SPIRE1: variants seen among roughly 807,000 people sequenced by gnomAD.
SPIRE1 encodes the protein protein spire homolog 1.
A neutral mutation model predicts 94.1 loss-of-function variants in SPIRE1; 40 were observed. The ratio of observed to expected loss-of-function variants is 0.43; its 90% confidence interval spans 0.33 to 0.55. The LOEUF (loss-of-function observed/expected upper bound fraction) is 0.55. Ranked by LOEUF, SPIRE1 falls within the 20% of genes least tolerant of loss-of-function variation. The pLI, the probability that SPIRE1 is intolerant of heterozygous loss-of-function variation, is 0.06. For missense variants in SPIRE1, 838 were observed against 975.2 expected (o/e 0.86, Z 1.87); for synonymous variants, 376 against 371.7 (o/e 1.01, Z -0.13).
chr18:12,493,118 T>C lies in SPIRE1; in HGVS notation c.1143A>G (p.Arg381=). The change falls in exon 8 of 17, where the codon AGA becomes AGG. Residue 381 remains arginine (R), a synonymous_variant. Coordinates refer to ENST00000409402, the MANE Select transcript of SPIRE1 (RefSeq NM_001128626.2). ...ERILEEIKAE[R]KLRPVSPEEI... is the part of the protein sequence containing the mutation. ...CCTCTGGTGATACAGGCCGCAGCTT[T>C]CTTTCTGCTTTAATTTCTTCTAATA... 6.2e-7 allele frequency: 1 copy of C among 1,613,744 alleles called. No individual in the cohort carries two copies. Among genetic ancestry groups the C allele is most frequent in the South Asian group, 1.1e-5 (1 of 91,050 alleles).
At chr18:12,574,626 A>C (rs2036045193) in intron 2 of SPIRE1, among the ~76,000 whole-genome samples, 1 of 152,236 alleles carries the variant, frequency 6.6e-6, no homozygotes, top group Non-Finnish European at 1.5e-5. Flanking sequence ...TGGGTGGCAA[A>C]GGAGAGCCAT....
intron 12 of SPIRE1, among the ~76,000 whole-genome samples, chr18:12,458,396 G>A (rs1371258391): frequency 6.6e-6 from 1 of 151,632 alleles, no homozygotes; most frequent in East Asian, 2.0e-4. Flanking sequence ...CGGATCACGA[G>A]GTCAGGAGAT....
chr18:12,657,628 T>C lies in SPIRE1; in HGVS notation c.239A>G (p.His80Arg). ...GATCTGCGCGGCCGAGCGCACACGGTGGCGGGGCTGGCGGCGGCGGGCGGC... is the reference window on the plus strand; with the variant it reads ...GATCTGCGCGGCCGAGCGCACACGGCGGCGGGGCTGGCGGCGGCGGGCGGC... Reference protein sequence around the residue: ...RAAARRRQPRHRVRSAAQIRV... With the variant: ...RAAARRRQPRRRVRSAAQIRV... The change falls in exon 1 of 17, where the codon CAC (histidine) becomes CGC (arginine). Residue 80 changes from histidine (H) to arginine (R), a missense_variant. His to Arg is a conservative substitution (Grantham distance 29, BLOSUM62 0). Around this residue, in one of 2 missense-constraint regions of SPIRE1, gnomAD observed 193 missense variants for 170.5 expected, o/e 1.13. Transcript: ENST00000409402. The C allele has an allele frequency of 7.6e-7, 1 of 1,310,488 alleles. No individual in the cohort carries two copies. The highest frequency in any genetic ancestry group is 9.7e-7 in the Non-Finnish European group (1 of 1,029,400). 81.2% of individuals were successfully genotyped at this position (1,310,488 alleles called of 1,614,324 possible).
chr18:12,488,480 G>A (rs1279976017), intron 8 of SPIRE1, among the ~76,000 whole-genome samples: 1 of 152,010 alleles, frequency 6.6e-6, no homozygotes. Context: ...TGTTTTCCAG[G>A]GAGACAGCCT....
At chr18:12,451,677 C>A (rs946768364) in intron 16 of SPIRE1, among the ~76,000 whole-genome samples, 2 of 152,216 alleles carry the variant, frequency 1.3e-5, no homozygotes, top group African/African-American at 2.4e-5. Flanking sequence ...CCCAGCCTCT[C>A]GGCCCTGCCA....
At chr18:12,576,253 AC>A (rs2036092330) in intron 2 of SPIRE1, among the ~76,000 whole-genome samples, 1 of 152,028 alleles carries the variant, frequency 6.6e-6, no homozygotes, top group Non-Finnish European at 1.5e-5. Flanking sequence ...AATAGCCAGA[AC>A]AATTTTGGAA....
intron 2 of SPIRE1, among the ~76,000 whole-genome samples, chr18:12,572,719 A>T (rs1304036436): frequency 6.6e-6 from 1 of 152,230 alleles, no homozygotes; most frequent in Non-Finnish European, 1.5e-5. Context: ...ACAGCCGAGA[A>T]ATGTACTCAC....
intron 4 of SPIRE1, among the ~76,000 whole-genome samples, chr18:12,523,161 G>A (rs191028118): frequency 2.0e-5 from 3 of 152,280 alleles, no homozygotes; most frequent in African/African-American, 4.8e-5. Flanking sequence ...AACCCTCATG[G>A]ATGACTTTGA....
chr18:12,547,520 C>T (rs2035208844), intron 2 of SPIRE1, among the ~76,000 whole-genome samples: 1 of 152,198 alleles, frequency 6.6e-6, no homozygotes, highest in Non-Finnish European at 1.5e-5. Flanking sequence ...CTGCTCCAGA[C>T]TTTGGCCAAT....
chr18:12,623,647 TGA>T (rs1241079113), intron 2 of SPIRE1, among the ~76,000 whole-genome samples: 2 of 151,764 alleles, frequency 1.3e-5, no homozygotes, highest in Non-Finnish European at 2.9e-5. Flanking sequence ...TTTTGTTTTT[TGA>T]GAGAGTTTCA....
intron 2 of SPIRE1, among the ~76,000 whole-genome samples, chr18:12,608,462 A>G (rs965178507): frequency 3.3e-5 from 5 of 152,112 alleles, no homozygotes; most frequent in African/African-American, 1.2e-4. Flanking sequence ...GGTAGATTCC[A>G]CCTTTCCTCT....
chr18:12,499,194 T>C (rs2033569210), intron 6 of SPIRE1, among the ~76,000 whole-genome samples: 1 of 152,152 alleles, frequency 6.6e-6, no homozygotes, highest in Non-Finnish European at 1.5e-5. Context: ...AAGTGTGAGG[T>C]TAGGGCCAAA....
At chr18:12,627,118 C>A (rs575469859) in intron 2 of SPIRE1, among the ~76,000 whole-genome samples, 1 of 151,974 alleles carries the variant, frequency 6.6e-6, no homozygotes, top group South Asian at 2.1e-4. Flanking sequence ...TACATGCGCA[C>A]AATGTGCAGG....
At chr18:12,599,723 A>G (rs2036778301) in intron 2 of SPIRE1, among the ~76,000 whole-genome samples, 1 of 152,056 alleles carries the variant, frequency 6.6e-6, no homozygotes, top group Non-Finnish European at 1.5e-5. Flanking sequence ...GAGATACATG[A>G]CCCTTTCAGT....
intron 7 of SPIRE1, among the ~76,000 whole-genome samples, chr18:12,494,068 C>A (rs1036711335): frequency 6.6e-6 from 1 of 151,832 alleles, no homozygotes; most frequent in African/African-American, 2.4e-5. Context: ...CTGCACACGG[C>A]TAATTTTTTT....
rs752411005 is a variant in SPIRE1 at position 12,657,687 on chromosome 18, G to A, written c.180C>T (p.Ala60=). 1 of 1,374,476 alleles carries A rather than the reference G, an allele frequency of 7.3e-7. No individual in the cohort carries two copies. The highest frequency in any genetic ancestry group is 1.7e-5 in the South Asian group (1 of 60,046). The allele number at this position is 1,374,476 out of a possible 1,614,324, so 85.1% of individuals were successfully genotyped here. A position where few individuals can be genotyped will look rare whatever the true frequency, so the allele number is the denominator to read the frequency against. ...NQPINEEQAW[A]VCYQCCGSLR... is the part of the protein sequence containing the mutation. ...GGGAACCGCAGCACTGGTAGCACAC[G>A]GCCCACGCCTGCTCCTCGTTGATGG... is the stretch of plus-strand genomic sequence containing the variant. Residue 60 remains alanine, a synonymous_variant, in exon 1 of 17, where the codon GCC becomes GCT. Transcript: ENST00000409402.
At chr18:12,611,163 T>G (rs1409320500) in intron 2 of SPIRE1, among the ~76,000 whole-genome samples, 1 of 152,218 alleles carries the variant, frequency 6.6e-6, no homozygotes, top group Non-Finnish European at 1.5e-5. Flanking sequence ...GGTCCCACTT[T>G]CCTCTCCAGC....
At chr18:12,486,058 G>C (rs2033028119) in intron 8 of SPIRE1, 58 bp from the exon 9 acceptor site, 6 of 1,345,748 alleles carry the variant, frequency 4.5e-6, no homozygotes, top group Non-Finnish European at 6.1e-6. Context: ...GGAATATACA[G>C]AGAGGACAAA....
chr18:12,450,728 C>G (rs2031192050), intron 16 of SPIRE1: 4 of 662,706 alleles, frequency 6.0e-6, no homozygotes, highest in Non-Finnish European at 1.1e-5. Context: ...CCCGAAAAAG[C>G]CACCGTCTGG....
Sources: gnomAD v4.1 joint callset for allele counts (sites outside exome capture counted in the v4.1 genomes callset) on GRCh38, gnomAD v4.1.1 for gene constraint, gnomAD v4.1.1 regional missense constraint, MANE v1.5 for transcripts, NCBI Gene and HGNC (gene_info 2026-07-23, HGNC 2026-07-21) for gene names.